The following PCTP variants were observed in gnomAD, a reference collection of about 807,000 sequenced individuals.
PCTP encodes phosphatidylcholine transfer protein.
A neutral mutation model predicts 31.0 loss-of-function variants in PCTP; 27 were observed. The observed-to-expected ratio is 0.87, with a 90% CI of 0.64 to 1.20. The LOEUF (loss-of-function observed/expected upper bound fraction) is 1.20. PCTP is among the 50% of genes most tolerant of loss of function. The pLI is 0.00. For synonymous variants in PCTP, 108 were observed against 101.2 expected (o/e 1.07, Z -0.40); for missense variants, 287 against 268.2 (o/e 1.07, Z -0.49).
At chr17:55,787,740 C>T (rs1280667544) in intron 3 of PCTP, 1 of 152,198 alleles carries the variant, frequency 6.6e-6, no homozygotes, top group Non-Finnish European at 1.5e-5. Flanking sequence ...TCTCCACTGT[C>T]TTTTCGATCA....
intron 3 of PCTP, among the ~76,000 whole-genome samples, chr17:55,804,076 A>G (rs1227991691): frequency 6.6e-6 from 1 of 152,216 alleles, no homozygotes; most frequent in Non-Finnish European, 1.5e-5. Context: ...TTCTCAAAAG[A>G]AGACATTTAT....
intron 2 of PCTP, among the ~76,000 whole-genome samples, chr17:55,768,277 T>C (rs1212008608): frequency 1.3e-5 from 2 of 152,192 alleles, no homozygotes; most frequent in African/African-American, 4.8e-5. Flanking sequence ...CAGTTTGCTC[T>C]TGGGGCTCCT....
At chr17:55,775,879 T>C in intron 5 of PCTP, 156 bp from the exon 6 acceptor site, 1 of 1,391,710 alleles carries the variant, frequency 7.2e-7, no homozygotes, top group East Asian at 2.7e-5. Context: ...CTACTTTTTG[T>C]CATCATCTGC....
intron 1 of PCTP, among the ~76,000 whole-genome samples, chr17:55,757,212 ATATG>A (rs1423341098): frequency 3.3e-5 from 5 of 150,786 alleles, no homozygotes; most frequent in Admixed American, 3.3e-4. Flanking sequence ...GTGTGTGTAT[ATATG>A]TATATATATA....
At position 55,773,852 on chromosome 17, in the gene PCTP, G is replaced by A; in HGVS notation, c.468G>A (p.Lys156=). The A allele has an allele frequency of 6.2e-7, 1 of 1,612,466 alleles. No homozygotes were observed. Among genetic ancestry groups the A allele is most frequent in the Non-Finnish European group, 8.5e-7 (1 of 1,179,148 alleles). ...RSGVIRVKQY[K]QSLAIESDGK... is the part of the protein sequence containing the mutation. ...GGGTGATCCGGGTGAAGCAATACAA[G>A]CAGAGCCTGGCGATCGAGAGTGACG... The change falls in exon 4 of 6, where the codon AAG becomes AAA. Residue 156 remains lysine, a synonymous_variant. Coordinates refer to ENST00000268896, the MANE Select transcript of PCTP (RefSeq NM_021213.4).
At chr17:55,781,133 G>A (rs1226496263), downstream of PCTP, among the ~76,000 whole-genome samples, 1 of 152,174 alleles carries the variant, frequency 6.6e-6, no homozygotes, top group Non-Finnish European at 1.5e-5. Context: ...ATAGACTTTG[G>A]ATCTCCTGGC....
At position 55,756,743 on chromosome 17, in the gene PCTP, A is replaced by G. The variant is rs112697981; in HGVS notation, c.141+5499A>G. On this transcript the variant is annotated intron_variant, in intron 1 of 5. Transcript: ENST00000268896. ...TGTGTGTGTGTGTGTGTGTGTGTGT[A>G]TATATGTATATATATATTTAGGCTT... Among the ~76,000 whole-genome samples, 1,010 of 149,908 alleles carry G rather than the reference A, an allele frequency of 6.7e-3. 14 individuals carry two copies. The highest frequency in any genetic ancestry group is 0.023 in the African/African-American group (935 of 40,124).
chr17:55,791,261 T>C (rs1030625396), intron 3 of PCTP, among the ~76,000 whole-genome samples: 5 of 152,074 alleles, frequency 3.3e-5, no homozygotes, highest in African/African-American at 1.2e-4. Flanking sequence ...ACTTCATGTC[T>C]AAAACACCAA....
chr17:55,776,231 C>A lies in PCTP; in HGVS notation c.*131C>A, dbSNP rs1911323458. On this transcript the variant is annotated 3_prime_UTR_variant, in exon 6 of 6. Transcript: ENST00000268896. The stretch of plus-strand genomic sequence containing the variant: ...GGAAGAGCACCCACCACTGTTCAGC[C>A]TTCCCCTGCTGTTTCTGTCTTCAGA... The A allele has an allele frequency of 1.8e-5, 27 of 1,467,292 alleles. 1 individual carries two copies. The South Asian group carries it at 3.9e-4, about 21-fold the overall frequency. 90.9% of individuals were successfully genotyped at this position (1,467,292 alleles called of 1,614,324 possible). A position where few individuals can be genotyped will look rare whatever the true frequency, so the allele number is the denominator to read the frequency against.
At chr17:55,765,345 C>G (rs1910579529) in intron 1 of PCTP, among the ~76,000 whole-genome samples, 1 of 152,174 alleles carries the variant, frequency 6.6e-6, no homozygotes, top group Non-Finnish European at 1.5e-5. Context: ...CTCTTAATTA[C>G]CCCAAAAGCC....
chr17:55,771,257 CAGAGAGGTAG>C, intron 3 of PCTP, 72 bp downstream of exon 3: 1 of 1,190,774 alleles, frequency 8.4e-7, no homozygotes, highest in Non-Finnish European at 1.3e-6. Flanking sequence ...CAGTCTATTG[CAGAGAGGTAG>C]AGCTGGTTTC....
chr17:55,754,620 T>C (rs1057393595), intron 1 of PCTP, among the ~76,000 whole-genome samples: 6 of 152,190 alleles, frequency 3.9e-5, no homozygotes, highest in African/African-American at 1.4e-4. Context: ...GATCTCATAT[T>C]AATAGACTGA....
chr17:55,776,685 T>TAA lies in PCTP; in HGVS notation c.*586_*587dup. On this transcript the variant is annotated 3_prime_UTR_variant, in exon 6 of 6. Transcript: ENST00000268896. ...GCTGGGATTTGAGGTGATAATCCAG[T>TAA]AAGTCTTTCCTCGTTCCTACTTGTG... 1 of 1,222,484 alleles carries TAA rather than the reference T, an allele frequency of 8.2e-7. No individual in the cohort carries two copies. Among genetic ancestry groups the TAA allele is most frequent in the African/African-American group, 1.6e-5 (1 of 64,370 alleles). The allele number at this position is 1,222,484 out of a possible 1,614,324, so 75.7% of individuals were successfully genotyped here.
At chr17:55,819,805 T>G (rs542017708) in intron 3 of PCTP, among the ~76,000 whole-genome samples, 1 of 152,304 alleles carries the variant, frequency 6.6e-6, no homozygotes, top group South Asian at 2.1e-4. Context: ...GGTGTTGTAC[T>G]GGCATGAGGA....
At chr17:55,844,175 A>G (rs1240971106), downstream of PCTP, among the ~76,000 whole-genome samples, 1 of 152,214 alleles carries the variant, frequency 6.6e-6, no homozygotes, top group African/African-American at 2.4e-5. Flanking sequence ...ACCTTGTAAC[A>G]TGGCAGAATA....
chr17:55,815,799 C>T (rs1364949894), intron 3 of PCTP, among the ~76,000 whole-genome samples: 1 of 152,198 alleles, frequency 6.6e-6, no homozygotes, highest in Non-Finnish European at 1.5e-5. Context: ...CCCAGGACAT[C>T]TTTTGCTGTC....
intron 1 of PCTP, among the ~76,000 whole-genome samples, chr17:55,753,726 G>T (rs192614296): frequency 2.0e-5 from 3 of 152,120 alleles, no homozygotes; most frequent in African/African-American, 7.2e-5. Context: ...CTCCTCTAGC[G>T]AGCCCAGACC....
intron 3 of PCTP, among the ~76,000 whole-genome samples, chr17:55,804,411 G>T (rs182657963): frequency 6.6e-6 from 1 of 152,038 alleles, no homozygotes; most frequent in Non-Finnish European, 1.5e-5. Context: ...AGACACATGC[G>T]CATGTATATT....
intron 3 of PCTP, among the ~76,000 whole-genome samples, chr17:55,805,875 TCTCA>T (rs1458717714): frequency 6.8e-6 from 1 of 145,996 alleles, no homozygotes; most frequent in Non-Finnish European, 1.5e-5. Context: ...GGTCTCTCTC[TCTCA>T]ATCTGTATGT....
Sources: allele counts gnomAD v4.1 joint callset (sites outside exome capture counted in the v4.1 genomes callset), GRCh38; gene constraint gnomAD v4.1.1; transcripts MANE v1.5; gene names NCBI Gene and HGNC (gene_info 2026-07-23, HGNC 2026-07-21).